The following SHISA9 variants were observed in gnomAD, a reference collection of about 807,000 sequenced individuals.
SHISA9 encodes the protein shisa family member 9.
In SHISA9, 13 loss-of-function variants were observed where a neutral mutation model predicts 38.0. That is an observed-to-expected ratio of 0.34 (90% CI 0.22 to 0.54). The LOEUF (loss-of-function observed/expected upper bound fraction) is 0.54. Among genes scored for constraint, SHISA9 ranks in the 20% least tolerant of loss-of-function variants. The pLI, the probability that SHISA9 is intolerant of heterozygous loss-of-function variation, is 0.91. For missense variants in SHISA9, 538 were observed against 575.8 expected, an observed-to-expected ratio of 0.93 and a Z score of 0.67; for synonymous variants, 275 against 242.0, an observed-to-expected ratio of 1.14 and a Z score of -1.27.
chr16:13,477,764 A>G, the SHISA9 span, among the ~76,000 whole-genome samples: 1 of 152,206 alleles, frequency 6.6e-6, no homozygotes, highest in African/African-American at 2.4e-5. Context: ...CAGCAGTTCA[A>G]GACCAGCCTG....
chr16:13,021,004 A>G (rs1033560953), intron 2 of SHISA9, among the ~76,000 whole-genome samples: 1 of 152,190 alleles, frequency 6.6e-6, no homozygotes, highest in African/African-American at 2.4e-5. Context: ...AGAAACTGAA[A>G]TAGTGACTTC....
chr16:13,026,792 G>T (rs2072927682), intron 2 of SHISA9, among the ~76,000 whole-genome samples: 1 of 152,180 alleles, frequency 6.6e-6, no homozygotes, highest in African/African-American at 2.4e-5. Flanking sequence ...ATGTAATGCA[G>T]ATAAAGCACT....
chr16:13,122,901 G>A (rs1159778597), intron 2 of SHISA9, among the ~76,000 whole-genome samples: 2 of 152,124 alleles, frequency 1.3e-5, no homozygotes, highest in African/African-American at 2.4e-5. Context: ...ACAAAAATTA[G>A]CCAGGTGTGG....
At chr16:13,320,292 CA>C in the SHISA9 span, among the ~76,000 whole-genome samples, 75 of 38,976 alleles carry the variant, frequency 1.9e-3, no homozygotes, top group East Asian at 6.4e-3. Flanking sequence ...GACTCTGTCT[CA>C]AAAAAAAAAA....
the SHISA9 span, among the ~76,000 whole-genome samples, chr16:13,558,479 C>G: frequency 2.7e-4 from 41 of 152,158 alleles, no homozygotes; most frequent in Admixed American, 1.6e-3. Flanking sequence ...TCCTGCAAGC[C>G]TCTGACCACA....
At chr16:13,259,525 C>G in the SHISA9 span, among the ~76,000 whole-genome samples, 1 of 152,246 alleles carries the variant, frequency 6.6e-6, no homozygotes, top group African/African-American at 2.4e-5. Context: ...CTGCACTGCC[C>G]TAGCAGAGGT....
chr16:13,066,732 A>G (rs2073439444), intron 2 of SHISA9, among the ~76,000 whole-genome samples: 1 of 152,232 alleles, frequency 6.6e-6, no homozygotes, highest in African/African-American at 2.4e-5. Context: ...GCATGTAGTA[A>G]ATATGTGCTA....
At chr16:13,390,091 T>C in the SHISA9 span, among the ~76,000 whole-genome samples, 8 of 151,460 alleles carry the variant, frequency 5.3e-5, no homozygotes, top group Non-Finnish European at 1.0e-4. Flanking sequence ...GTGAAGTACA[T>C]AGAACTTAAA....
chr16:13,139,458 T>C (rs980736445), intron 2 of SHISA9, among the ~76,000 whole-genome samples: 1 of 134,724 alleles, frequency 7.4e-6, no homozygotes, highest in Non-Finnish European at 1.6e-5. Flanking sequence ...CTCTCCCTCT[T>C]TCTCTCTCTC....
intron 4 of SHISA9, among the ~76,000 whole-genome samples, chr16:13,216,485 C>T (rs2051170461): frequency 6.6e-6 from 1 of 152,188 alleles, no homozygotes; most frequent in African/African-American, 2.4e-5. Context: ...ATTAAAGGCT[C>T]TGAAAAGCCT....
At chr16:13,308,748 TAA>T in the SHISA9 span, among the ~76,000 whole-genome samples, 1 of 152,222 alleles carries the variant, frequency 6.6e-6, no homozygotes, top group African/African-American at 2.4e-5. Context: ...ATTGAACATT[TAA>T]TATTATAGGG....
chr16:13,204,010 T>C lies in SHISA9; in HGVS notation c.847+461T>C, dbSNP rs527410282. On this transcript the variant is annotated intron_variant, in intron 3 of 4. Coordinates refer to ENST00000558583, the MANE Select transcript of SHISA9 (RefSeq NM_001145204.3). ...ATCCACCTATTCACTTATCCATCTA[T>C]CTACCTACCTATGTATTATCTATCT... 1.3e-3 allele frequency among the ~76,000 whole-genome samples: 191 copies of C among 152,162 alleles called. 1 individual carries two copies. Among genetic ancestry groups the C allele is most frequent in the African/African-American group, 4.5e-3 (185 of 41,516 alleles).
At chr16:13,068,136 G>A (rs1023786278) in intron 2 of SHISA9, among the ~76,000 whole-genome samples, 3 of 152,120 alleles carry the variant, frequency 2.0e-5, no homozygotes, top group African/African-American at 7.2e-5. Flanking sequence ...CTGGGTCCTA[G>A]GACAACCTTC....
chr16:12,913,928 G>T (rs77519143), intron 1 of SHISA9, among the ~76,000 whole-genome samples: 1 of 151,858 alleles, frequency 6.6e-6, no homozygotes, highest in Non-Finnish European at 1.5e-5. Flanking sequence ...CATTCAGGTT[G>T]TTTCCGCTTG....
the SHISA9 span, among the ~76,000 whole-genome samples, chr16:13,403,135 T>C: frequency 6.6e-6 from 1 of 151,860 alleles, no homozygotes; most frequent in African/African-American, 2.4e-5. Flanking sequence ...CCAAAGAAAT[T>C]TCTGTTGTTT....
At chr16:13,334,410 G>A in the SHISA9 span, among the ~76,000 whole-genome samples, 4 of 152,262 alleles carry the variant, frequency 2.6e-5, no homozygotes, top group East Asian at 3.9e-4. Context: ...TTCTGTCTCC[G>A]AGCTTTACTC....
intron 2 of SHISA9, among the ~76,000 whole-genome samples, chr16:12,968,404 A>C (rs1163531193): frequency 6.6e-6 from 1 of 152,144 alleles, no homozygotes; most frequent in Non-Finnish European, 1.5e-5. Flanking sequence ...GTCTACGTAT[A>C]TGATGGATTA....
chr16:13,355,331 G>A, the SHISA9 span, among the ~76,000 whole-genome samples: 2 of 151,942 alleles, frequency 1.3e-5, no homozygotes, highest in East Asian at 1.9e-4. Context: ...GTGGGGTAAG[G>A]GTGATTAGAT....
chr16:13,562,504 C>T, the SHISA9 span, among the ~76,000 whole-genome samples: 6 of 151,852 alleles, frequency 4.0e-5, no homozygotes, highest in African/African-American at 1.5e-4. Flanking sequence ...GTGGCAGGCA[C>T]CTGTAGTCCC....
Sources: gnomAD v4.1 joint callset for allele counts (sites outside exome capture counted in the v4.1 genomes callset) on GRCh38, gnomAD v4.1.1 for gene constraint, MANE v1.5 for transcripts, NCBI Gene and HGNC (gene_info 2026-07-23, HGNC 2026-07-21) for gene names.